The following CPNE8 variants were observed in gnomAD, a reference collection of about 807,000 sequenced individuals.
CPNE8 encodes copine-8.
Under a neutral mutation model 81.5 loss-of-function variants are expected in CPNE8, and 45 were observed. The ratio of observed to expected loss-of-function variants is 0.55; its 90% CI spans 0.44 to 0.71. CPNE8 has a LOEUF of 0.71. Ranked by LOEUF, CPNE8 falls within the 30% of genes least tolerant of loss-of-function variation. The probability of loss-of-function intolerance (pLI) is 0.00; values close to 1 mark genes in which losing one functional copy is unlikely to be tolerated. For synonymous variants in CPNE8, 252 were observed against 226.3 expected (o/e 1.11, Z -1.02); for missense variants, 594 against 672.1 (o/e 0.88, Z 1.28).
chr12:38,869,436 G>A (rs1048977902), intron 3 of CPNE8, among the ~76,000 whole-genome samples: 1 of 152,136 alleles, frequency 6.6e-6, no homozygotes, highest in African/African-American at 2.4e-5. Flanking sequence ...TGTTACAAAT[G>A]AGGAAACAGA....
Position 38,675,906 on chromosome 12 carries a change from G to C in CPNE8, c.1375-132C>G, listed in dbSNP as rs1483665413. ...AGGCCAAAGAAGGAGGATTGCTTGAGGCCAGGAGTTTGAGAACAGCCTGGG... is the reference window on the plus strand; with the variant it reads ...AGGCCAAAGAAGGAGGATTGCTTGACGCCAGGAGTTTGAGAACAGCCTGGG... On this transcript the variant is annotated intron_variant, in intron 17 of 19. Coordinates refer to ENST00000331366, the MANE Select transcript of CPNE8 (RefSeq NM_153634.3). 7.7e-6 allele frequency: 5 copies of C among 647,820 alleles called. No individual in the cohort carries two copies. In the East Asian group the frequency reaches 1.4e-4, roughly 18 times the overall value. 40.1% of individuals were successfully genotyped at this position (647,820 alleles called of 1,614,324 possible).
At chr12:38,685,461 A>C (rs1361118532) in intron 16 of CPNE8, 29 bp downstream of exon 16, 5 of 1,608,090 alleles carry the variant, frequency 3.1e-6, no homozygotes, top group Non-Finnish European at 4.2e-6. Context: ...AGTACATCAG[A>C]ATAAGCACCT....
intron 1 of CPNE8, among the ~76,000 whole-genome samples, chr12:38,890,544 G>A (rs1413428422): frequency 1.3e-5 from 2 of 151,708 alleles, no homozygotes; most frequent in African/African-American, 2.4e-5. Context: ...TTTACATTGT[G>A]TGGCACAAAA....
chr12:38,656,251 A>T (rs1307202914), intron 19 of CPNE8, among the ~76,000 whole-genome samples: 3 of 152,036 alleles, frequency 2.0e-5, no homozygotes, highest in African/African-American at 7.2e-5. Flanking sequence ...TTATTCTAGA[A>T]GGTATAATGC....
chr12:38,657,418 C>T (rs1234002584), intron 19 of CPNE8, among the ~76,000 whole-genome samples: 1 of 152,192 alleles, frequency 6.6e-6, no homozygotes, highest in Non-Finnish European at 1.5e-5. Context: ...ACAAGGCCTA[C>T]TGCCTCTATA....
chr12:38,833,160 C>T (rs1235696551), intron 5 of CPNE8, among the ~76,000 whole-genome samples: 2 of 151,532 alleles, frequency 1.3e-5, no homozygotes, highest in African/African-American at 4.8e-5. Flanking sequence ...CAAGACCAGT[C>T]GGGCCAACAT....
At chr12:38,674,055 A>C (rs561111773) in intron 18 of CPNE8, among the ~76,000 whole-genome samples, 46 of 152,248 alleles carry the variant, frequency 3.0e-4, no homozygotes, top group African/African-American at 1.1e-3. Context: ...ATTTTTTTCC[A>C]GTTAGTTCAG....
intron 16 of CPNE8, among the ~76,000 whole-genome samples, chr12:38,683,412 T>C (rs1939454869): frequency 6.6e-6 from 1 of 152,144 alleles, no homozygotes; most frequent in African/African-American, 2.4e-5. Context: ...TCCTACATAA[T>C]AGGTATGATG....
intron 3 of CPNE8, among the ~76,000 whole-genome samples, chr12:38,848,898 CCTT>C (rs1223495367): frequency 1.3e-5 from 2 of 152,120 alleles, no homozygotes; most frequent in African/African-American, 4.8e-5. Flanking sequence ...TAATGCTTCT[CCTT>C]CTCCTCTCCC....
intron 16 of CPNE8, among the ~76,000 whole-genome samples, chr12:38,681,818 A>G (rs1939414894): frequency 6.6e-6 from 1 of 152,184 alleles, no homozygotes; most frequent in African/African-American, 2.4e-5. Context: ...GTCCATGTCT[A>G]TATGTCTCCT....
At chr12:38,754,506 T>C (rs1186959456) in intron 10 of CPNE8, among the ~76,000 whole-genome samples, 3 of 152,070 alleles carry the variant, frequency 2.0e-5, no homozygotes, top group East Asian at 1.9e-4. Flanking sequence ...TGGAAAAATG[T>C]TGAACACATA....
chr12:38,765,435 C>T lies in CPNE8; in HGVS notation c.575+2200G>A, dbSNP rs138904121. Among the ~76,000 whole-genome samples, 752 of 152,196 alleles carry T rather than the reference C, an allele frequency of 4.9e-3. 5 individuals are homozygous for T. Among genetic ancestry groups the T allele is most frequent in the African/African-American group, 0.017 (700 of 41,522 alleles). On this transcript the variant is annotated intron_variant, in intron 8 of 19. Coordinates refer to ENST00000331366, the MANE Select transcript of CPNE8 (RefSeq NM_153634.3). ...TACTAAATAAATGTCAAAGCAAGAA[C>T]ATGAGTATAAGATCATAAGTATGAA...
Position 38,754,658 on chromosome 12 carries a change from T to C in CPNE8, c.722+6189A>G, listed in dbSNP as rs111680252. 5.9e-3 allele frequency among the ~76,000 whole-genome samples: 895 copies of C among 151,784 alleles called. 11 individuals are homozygous for C. Among genetic ancestry groups the C allele is most frequent in the African/African-American group, 0.021 (852 of 41,372 alleles). On this transcript the variant is annotated intron_variant, in intron 10 of 19. Coordinates refer to ENST00000331366, the MANE Select transcript of CPNE8 (RefSeq NM_153634.3). ...CATATATAATTAAATCAGTCTTTCT[T>C]GAGAGCAAGAATTATAGATTAAAGT...
intron 7 of CPNE8, among the ~76,000 whole-genome samples, chr12:38,772,606 G>T (rs564278008): frequency 6.6e-6 from 1 of 152,150 alleles, no homozygotes; most frequent in South Asian, 2.1e-4. Flanking sequence ...AAAAACAAAC[G>T]CAAAAGGAAG....
At chr12:38,821,245 G>A (rs1306046201) in intron 6 of CPNE8, among the ~76,000 whole-genome samples, 1 of 151,986 alleles carries the variant, frequency 6.6e-6, no homozygotes, top group African/African-American at 2.4e-5. Context: ...TGAATAAATG[G>A]TAAAAACCAA....
chr12:38,653,904 T>C lies in CPNE8; in HGVS notation c.1673A>G (p.His558Arg). ...CAGTCATATTTGAGTCTGTAACACA[T>C]GTGTAGGTGGGGTGTATGGGGGAGG... ...PAPPPYTPPTHVLQTQI is the reference protein window; with the variant it reads ...PAPPPYTPPTRVLQTQI Residue 558 changes from histidine to arginine, a missense_variant, in exon 20 of 20, where the codon CAT becomes CGT. By Grantham distance (29) the His-to-Arg change is conservative. Coordinates refer to ENST00000331366, the MANE Select transcript of CPNE8 (RefSeq NM_153634.3). 2 of 1,613,112 alleles carry C rather than the reference T, an allele frequency of 1.2e-6. No homozygotes were observed. Among genetic ancestry groups the C allele is most frequent in the Non-Finnish European group, 8.5e-7 (1 of 1,179,764 alleles).
chr12:38,840,035 A>C, intron 4 of CPNE8, 80 bp from the exon 5 acceptor site: 1 of 1,316,278 alleles, frequency 7.6e-7, no homozygotes, highest in Admixed American at 2.7e-5. Context: ...CAAAACACAT[A>C]AATAATATAA....
At chr12:38,833,548 G>A (rs931284722) in intron 5 of CPNE8, among the ~76,000 whole-genome samples, 3 of 144,834 alleles carry the variant, frequency 2.1e-5, no homozygotes, top group African/African-American at 7.7e-5. Context: ...GAGCGATCTC[G>A]GTTCACTGCA....
At chr12:38,799,166 C>T (rs560894968) in intron 6 of CPNE8, among the ~76,000 whole-genome samples, 27 of 152,190 alleles carry the variant, frequency 1.8e-4, no homozygotes, top group African/African-American at 4.3e-4. Flanking sequence ...CAAGCATACC[C>T]GGGAATTGAA....
Sources: allele counts gnomAD v4.1 joint callset (sites outside exome capture counted in the v4.1 genomes callset), GRCh38; gene constraint gnomAD v4.1.1; transcripts MANE v1.5; gene names NCBI Gene and HGNC (gene_info 2026-07-23, HGNC 2026-07-21).